Variants in RIMS2 observed in about 807,000 individuals in gnomAD.
RIMS2 encodes regulating synaptic membrane exocytosis protein 2.
RIMS2 carries 59 observed loss-of-function variants against 174.4 expected under a neutral mutation model. The ratio of observed to expected loss-of-function variants is 0.34; its 90% CI spans 0.27 to 0.42. RIMS2 has a LOEUF of 0.42. Among genes scored for constraint, RIMS2 ranks in the 10% least tolerant of loss-of-function variants. RIMS2 has a pLI of 1.00. For missense variants in RIMS2, 1,620 were observed against 1,666.3 expected (o/e 0.97, Z 0.48); for synonymous variants, 606 against 572.5 (o/e 1.06, Z -0.84).
chr8:104,173,305 C>T (rs919345626), intron 19 of RIMS2, among the ~76,000 whole-genome samples: 75 of 152,194 alleles, frequency 4.9e-4, no homozygotes, highest in African/African-American at 1.8e-3. Context: ...ATACCTGTTA[C>T]CTAGAATTAA....
intron 19 of RIMS2, among the ~76,000 whole-genome samples, chr8:104,057,193 T>C (rs950663560): frequency 1.1e-4 from 16 of 151,690 alleles, no homozygotes; most frequent in African/African-American, 3.9e-4. Flanking sequence ...CAGCTTCCCA[T>C]GCATATGGGA....
chr8:103,506,872 T>C (rs1050339211), intron 1 of RIMS2, among the ~76,000 whole-genome samples: 1 of 152,100 alleles, frequency 6.6e-6, no homozygotes. Flanking sequence ...AACTAAGACA[T>C]AGCAGTGAAA....
At chr8:103,890,320 C>G (rs1460817952) in intron 4 of RIMS2, among the ~76,000 whole-genome samples, 3 of 152,012 alleles carry the variant, frequency 2.0e-5, no homozygotes, top group Non-Finnish European at 4.4e-5. Context: ...CAGTGTCTCA[C>G]TGAATACTGA....
intron 3 of RIMS2, among the ~76,000 whole-genome samples, chr8:103,807,834 G>C (rs927056767): frequency 6.6e-6 from 1 of 151,982 alleles, no homozygotes. Flanking sequence ...CTTTTAAGTA[G>C]CTAGGATCTT....
intron 19 of RIMS2, among the ~76,000 whole-genome samples, chr8:104,188,229 A>AGATAGAT (rs1554594319): frequency 2.3e-5 from 3 of 131,594 alleles, no homozygotes; most frequent in African/African-American, 8.9e-5. Context: ...TCAGATAGAT[A>AGATAGAT]GATAGATAGA....
intron 1 of RIMS2, among the ~76,000 whole-genome samples, chr8:103,676,268 A>G (rs916797792): frequency 1.3e-5 from 2 of 152,176 alleles, no homozygotes; most frequent in Non-Finnish European, 2.9e-5. Flanking sequence ...CCAGAAAGGT[A>G]TATTTTCAAA....
intron 19 of RIMS2, among the ~76,000 whole-genome samples, chr8:104,081,748 T>C (rs1484559581): frequency 1.3e-5 from 2 of 152,122 alleles, no homozygotes; most frequent in African/African-American, 4.8e-5. Context: ...AATTTTCTCA[T>C]CTATAAAATG....
chr8:103,687,069 T>C (rs867642965), intron 1 of RIMS2, among the ~76,000 whole-genome samples: 5 of 152,180 alleles, frequency 3.3e-5, no homozygotes, highest in African/African-American at 9.6e-5. Flanking sequence ...AATGAAACCA[T>C]TGGGAACCAG....
At chr8:104,160,235 A>C (rs958046592) in intron 19 of RIMS2, among the ~76,000 whole-genome samples, 1 of 152,194 alleles carries the variant, frequency 6.6e-6, no homozygotes, top group African/African-American at 2.4e-5. Context: ...TCTTGAGGGA[A>C]GGAGCTATAT....
Position 104,090,149 on chromosome 8 carries a change from C to T in RIMS2, c.3334+75534C>T, listed in dbSNP as rs541036275. On this transcript the variant is annotated intron_variant, in intron 19 of 23. Transcript: ENST00000504942. Reference sequence around the variant, plus strand: ...TTACACACTATCTCTTGTCATAGGGCTGTGTGTGAATAAAAGGCATAAAAC... The same window carrying T: ...TTACACACTATCTCTTGTCATAGGGTTGTGTGTGAATAAAAGGCATAAAAC... Among the ~76,000 whole-genome samples, 3 of 151,698 alleles carry T rather than the reference C, an allele frequency of 2.0e-5. No homozygotes were observed. The East Asian group carries it at 5.8e-4, about 29-fold the overall frequency.
exon 1 of RIMS2, chr8:103,500,767 G>A (rs1369954716): frequency 1.2e-5 from 7 of 574,842 alleles, no homozygotes; most frequent in South Asian, 7.0e-5. Flanking sequence ...TTGGATTGAA[G>A]GCCATTGATT....
intron 2 of RIMS2, among the ~76,000 whole-genome samples, chr8:103,720,759 A>G (rs1383776395): frequency 6.6e-6 from 1 of 152,230 alleles, no homozygotes; most frequent in African/African-American, 2.4e-5. Context: ...GGACAAAATG[A>G]TTCTAGAAGG....
chr8:103,778,516 C>T (rs371624702), intron 3 of RIMS2, among the ~76,000 whole-genome samples: 19 of 152,038 alleles, frequency 1.2e-4, no homozygotes, highest in African/African-American at 3.9e-4. Context: ...AATATTTGGT[C>T]TTCTGTGCTT....
chr8:103,564,605 T>G (rs1587852707), intron 1 of RIMS2, among the ~76,000 whole-genome samples: 2 of 152,160 alleles, frequency 1.3e-5, no homozygotes, highest in East Asian at 3.9e-4. Flanking sequence ...GCTGAAGAAC[T>G]TGGAGTCCAG....
At chr8:103,719,865 T>C (rs546891976) in intron 2 of RIMS2, among the ~76,000 whole-genome samples, 1 of 152,276 alleles carries the variant, frequency 6.6e-6, no homozygotes, top group African/African-American at 2.4e-5. Context: ...TTAAGCCCAT[T>C]TCACTGTCTA....
At chr8:103,732,399 C>T in intron 2 of RIMS2, among the ~76,000 whole-genome samples, 1 of 152,218 alleles carries the variant, frequency 6.6e-6, no homozygotes, top group East Asian at 1.9e-4. Context: ...GATCCAAAGG[C>T]AGCAGAGCCC....
intron 3 of RIMS2, among the ~76,000 whole-genome samples, chr8:103,849,256 A>T (rs2098984458): frequency 6.6e-6 from 1 of 152,028 alleles, no homozygotes; most frequent in African/African-American, 2.4e-5. Flanking sequence ...CCAACTCCAG[A>T]ATTTCCTTCC....
At chr8:104,006,097 TTCTC>T in intron 17 of RIMS2, among the ~76,000 whole-genome samples, 1 of 152,088 alleles carries the variant, frequency 6.6e-6, no homozygotes, top group Non-Finnish European at 1.5e-5. Context: ...AACTGTTTTG[TTCTC>T]CATCAAAACT....
rs1225863851 is a variant in RIMS2, at chr8:103,605,215, G to A, written c.177-91871G>A. On this transcript the variant is annotated intron_variant, in intron 1 of 23. Transcript: ENST00000504942. Reference sequence around the variant, plus strand: ...TTAAGAGTTTTTAGCATGAAGAGTTGTTGAATTTTGTCAAAGGCTTTTTCT... The same window carrying A: ...TTAAGAGTTTTTAGCATGAAGAGTTATTGAATTTTGTCAAAGGCTTTTTCT... Among the ~76,000 whole-genome samples, 8 of 117,606 alleles carry A rather than the reference G, an allele frequency of 6.8e-5. No individual in the cohort carries two copies. The East Asian group carries it at 1.9e-3, about 27-fold the overall frequency. The allele number at this position is 117,606 out of a possible 152,430, so 77.2% of individuals were successfully genotyped here. A position where few individuals can be genotyped will look rare whatever the true frequency, so the allele number is the denominator to read the frequency against.
Sources: allele counts gnomAD v4.1 joint callset (sites outside exome capture counted in the v4.1 genomes callset), GRCh38; gene constraint gnomAD v4.1.1; transcripts MANE v1.5; gene names NCBI Gene and HGNC (gene_info 2026-07-23, HGNC 2026-07-21).